The following NCOR1 variants were observed in gnomAD, a reference collection of about 807,000 sequenced individuals.
The protein encoded by NCOR1 is nuclear receptor corepressor 1.
Under a neutral mutation model 288.1 loss-of-function variants are expected in NCOR1, and 63 were observed. That is an observed-to-expected ratio of 0.22 (90% CI 0.18 to 0.27). The LOEUF (loss-of-function observed/expected upper bound fraction) is 0.27, where lower values mean the gene tolerates loss of function less well. Ranked by LOEUF, NCOR1 falls within the 10% of genes least tolerant of loss-of-function variation. NCOR1 has a pLI of 1.00. For synonymous variants in NCOR1, 1,007 were observed against 1,065.9 expected, an observed-to-expected ratio of 0.94 and a Z score of 1.08; for missense variants, 2,397 against 3,019.2, an observed-to-expected ratio of 0.79 and a Z score of 4.83.
chr17:16,092,542 A>C (rs1025956673), intron 21 of NCOR1, among the ~76,000 whole-genome samples: 1 of 150,330 alleles, frequency 6.7e-6, no homozygotes, highest in African/African-American at 2.5e-5. Context: ...GAAATCAAAA[A>C]TCAGAAATTA....
intron 31 of NCOR1, among the ~76,000 whole-genome samples, chr17:16,069,167 C>T (rs190863039): frequency 1.7e-4 from 26 of 152,270 alleles, no homozygotes; most frequent in Non-Finnish European, 4.4e-5. Flanking sequence ...ATACTATAAA[C>T]TTTACCACAA....
chr17:16,142,955 GC>G (rs2077354435), intron 11 of NCOR1, among the ~76,000 whole-genome samples: 1 of 152,078 alleles, frequency 6.6e-6, no homozygotes, highest in African/African-American at 2.4e-5. Flanking sequence ...TAGTGAAATG[GC>G]GTTCTTGTTC....
At chr17:16,130,766 C>T (rs1171329802) in intron 14 of NCOR1, among the ~76,000 whole-genome samples, 1 of 152,180 alleles carries the variant, frequency 6.6e-6, no homozygotes, top group African/African-American at 2.4e-5. Context: ...TCACTGCAAC[C>T]TATGCCTCCC....
rs2153056835 is a variant in NCOR1 at position 16,108,905 on chromosome 17, C to T, written c.2063G>A (p.Arg688Gln). The T allele has an allele frequency of 6.3e-7, 1 of 1,578,968 alleles. No homozygotes were observed. The highest frequency in any genetic ancestry group is 1.8e-5 in the Admixed American group (1 of 55,446). ...LLQQHKQKTS[R>Q]KPREERDVSQ... ...CACATCTCGCTCTTCACGAGGTTTTCGTGAAGTCTAAAGGAGGAAAGAGTA... is the reference window on the plus strand; with the variant it reads ...CACATCTCGCTCTTCACGAGGTTTTTGTGAAGTCTAAAGGAGGAAAGAGTA... Residue 688 changes from arginine to glutamine, a missense_variant, in exon 19 of 46, where the codon CGA becomes CAA. Transcript: ENST00000268712.
rs750906837 is a variant in NCOR1, at chr17:16,061,715, C to G, written c.5567G>C (p.Arg1856Thr). Reference sequence around the variant, plus strand: ...CTGCTGTTCACTAACTGCTGCTGACCTGCTTCTCAAATTTTCTTCTAACCT... The same window carrying G: ...CTGCTGTTCACTAACTGCTGCTGACGTGCTTCTCAAATTTTCTTCTAACCT... Reference protein sequence around the residue: ...AARLEENLRSRSAAVSEQQQL... With the variant: ...AARLEENLRSTSAAVSEQQQL... Residue 1856 changes from arginine (R) to threonine (T), a missense_variant, in exon 37 of 46, where the codon AGG (arginine) becomes ACG (threonine). Arg to Thr is a moderately conservative substitution (Grantham distance 71, BLOSUM62 -1). Coordinates refer to ENST00000268712, the MANE Select transcript of NCOR1 (RefSeq NM_006311.4). 5.6e-6 allele frequency: 9 copies of G among 1,614,222 alleles called. No homozygotes were observed. The highest frequency in any genetic ancestry group is 7.6e-6 in the Non-Finnish European group (9 of 1,180,044).
chr17:16,084,520 T>C (rs1338389849), intron 23 of NCOR1: 1 of 152,064 alleles, frequency 6.6e-6, no homozygotes, highest in African/African-American at 2.4e-5. Context: ...GTCAAAACAA[T>C]CTTGAAAAAC....
chr17:16,204,928 A>G (rs1368031627), intron 1 of NCOR1, among the ~76,000 whole-genome samples: 1 of 152,252 alleles, frequency 6.6e-6, no homozygotes, highest in African/African-American at 2.4e-5. Flanking sequence ...ACACATGAAT[A>G]AAGTGAGTGA....
At chr17:16,181,360 A>G (rs989068054) in intron 3 of NCOR1, among the ~76,000 whole-genome samples, 4 of 146,962 alleles carry the variant, frequency 2.7e-5, no homozygotes, top group African/African-American at 1.0e-4. Context: ...AAATAAAAAT[A>G]TTGCATGATC....
intron 21 of NCOR1, among the ~76,000 whole-genome samples, chr17:16,095,315 G>T (rs2066246554): frequency 6.8e-6 from 1 of 146,296 alleles, no homozygotes; most frequent in South Asian, 2.2e-4. Flanking sequence ...GAAGTGAGGA[G>T]ACCCTCTGCC....
intron 3 of NCOR1, among the ~76,000 whole-genome samples, chr17:16,181,669 A>G (rs978631224): frequency 5.3e-5 from 6 of 112,246 alleles, no homozygotes; most frequent in African/African-American, 1.8e-4. Flanking sequence ...TGTGTATCCC[A>G]TAACACCATG....
At chr17:16,114,710 C>T (rs1403075665) in intron 18 of NCOR1, among the ~76,000 whole-genome samples, 3 of 152,244 alleles carry the variant, frequency 2.0e-5, no homozygotes, top group Admixed American at 6.5e-5. Context: ...CCATGTCTCA[C>T]GTCCAGGTCG....
intron 2 of NCOR1, among the ~76,000 whole-genome samples, chr17:16,190,029 A>T (rs1398963444): frequency 6.6e-6 from 1 of 152,206 alleles, no homozygotes; most frequent in African/African-American, 2.4e-5. Context: ...CAGGGTTTTG[A>T]TATCAGCCTG....
At chr17:16,209,705 A>G (rs1469894369) in intron 1 of NCOR1, among the ~76,000 whole-genome samples, 2 of 151,668 alleles carry the variant, frequency 1.3e-5, no homozygotes, top group African/African-American at 4.8e-5. Context: ...TAATCCCAAC[A>G]CTTTGGGAGG....
chr17:16,034,046 G>C (rs1024159026), intron 45 of NCOR1, among the ~76,000 whole-genome samples: 17 of 152,164 alleles, frequency 1.1e-4, no homozygotes, highest in Non-Finnish European at 4.4e-5. Context: ...TGATTTCTTA[G>C]TATTTCCCTA....
intron 21 of NCOR1, among the ~76,000 whole-genome samples, chr17:16,092,680 TATATA>T (rs2065519939): frequency 8.9e-5 from 2 of 22,556 alleles, no homozygotes; most frequent in African/African-American, 2.3e-4. Flanking sequence ...TATATATATA[TATATA>T]TATATATATA....
intron 19 of NCOR1, among the ~76,000 whole-genome samples, chr17:16,105,392 A>C (rs761641829): frequency 1.4e-4 from 22 of 152,038 alleles, no homozygotes; most frequent in Non-Finnish European, 2.9e-4. Flanking sequence ...ACTCCAGCCT[A>C]GGTGACACAG....
chr17:16,061,949 G>A (rs936841308), intron 36 of NCOR1, 55 bp from the exon 37 acceptor site: 1 of 1,567,820 alleles, frequency 6.4e-7, no homozygotes, highest in African/African-American at 1.4e-5. Context: ...TGCTGGGAAT[G>A]TGGTGGGGAG....
In NCOR1 at chr17:16,171,971, A is replaced by G; in HGVS notation, c.267T>C (p.Tyr89=). The part of the protein sequence containing the change: ...SDRPQERRTS[Y]EPFHPGPSPV... ...GGGATGGGCCTGGATGAAACGGTTCATAACTAGTTCTCCTTTCTTGAGGCC... is the reference window on the plus strand; with the variant it reads ...GGGATGGGCCTGGATGAAACGGTTCGTAACTAGTTCTCCTTTCTTGAGGCC... The change falls in exon 4 of 46, where the codon TAT becomes TAC. Residue 89 remains tyrosine (Y), a synonymous_variant. Coordinates refer to ENST00000268712, the MANE Select transcript of NCOR1 (RefSeq NM_006311.4). 1.3e-6 allele frequency: 2 copies of G among 1,585,914 alleles called. No individual in the cohort carries two copies. Among genetic ancestry groups the G allele is most frequent in the Non-Finnish European group, 1.7e-6 (2 of 1,168,544 alleles).
rs1379356836 is a variant in NCOR1, at chr17:16,132,930, CTTT to C, written c.1509+4378_1509+4380del. ...CCTCCCTCCCTTCCTTCTTCTTCTT[CTTT>C]TTTCCCTCCCTCCCTTCCTTCCTTT... On this transcript the variant is annotated intron_variant, in intron 14 of 45. Coordinates refer to ENST00000268712, the MANE Select transcript of NCOR1 (RefSeq NM_006311.4). 3.4e-5 allele frequency among the ~76,000 whole-genome samples: 5 copies of C among 147,692 alleles called. No homozygotes were observed. In the South Asian group the frequency reaches 1.1e-3, roughly 32 times the overall value.
Sources: gnomAD v4.1 joint callset for allele counts (sites outside exome capture counted in the v4.1 genomes callset) on GRCh38, gnomAD v4.1.1 for gene constraint, MANE v1.5 for transcripts, NCBI Gene and HGNC (gene_info 2026-07-23, HGNC 2026-07-21) for gene names.